The following KCNQ1 variants were observed in gnomAD, a reference collection of about 807,000 sequenced individuals.
KCNQ1 encodes potassium voltage-gated channel subfamily Q member 1, also known as potassium voltage-gated channel subfamily KQT member 1.
In KCNQ1, 49 loss-of-function variants were observed where a neutral mutation model predicts 72.4. The ratio of observed to expected loss-of-function variants is 0.68; its 90% CI spans 0.54 to 0.86. The LOEUF is 0.86. Among genes scored for constraint, KCNQ1 ranks in the 40% least tolerant of loss-of-function variants. The probability of loss-of-function intolerance (pLI) is 0.00; values close to 1 mark genes in which losing one functional copy is unlikely to be tolerated. For synonymous variants in KCNQ1, 450 were observed against 412.6 expected, an observed-to-expected ratio of 1.09 and a Z score of -1.10; for missense variants, 790 against 945.1, an observed-to-expected ratio of 0.84 and a Z score of 2.15.
At chr11:2,584,004 T>C (rs907943079) in intron 7 of KCNQ1, among the ~76,000 whole-genome samples, 1 of 152,022 alleles carries the variant, frequency 6.6e-6, no homozygotes, top group Non-Finnish European at 1.5e-5. Flanking sequence ...GTGTGTGTTA[T>C]GTGCGTATGT....
chr11:2,530,953 C>A (rs1847613944), intron 2 of KCNQ1, among the ~76,000 whole-genome samples: 1 of 152,170 alleles, frequency 6.6e-6, no homozygotes, highest in Non-Finnish European at 1.5e-5. Context: ...AGGTGGTTAG[C>A]CCCTCGCCCC....
chr11:2,838,840 C>T (rs559226491), intron 15 of KCNQ1, among the ~76,000 whole-genome samples: 4 of 152,176 alleles, frequency 2.6e-5, no homozygotes, highest in Non-Finnish European at 5.9e-5. Context: ...CCTCTGCGGG[C>T]TCGCCAGAGG....
At position 2,847,861 on chromosome 11, in the gene KCNQ1, C is replaced by T; in HGVS notation, c.1889C>T (p.Pro630Leu). The T allele has an allele frequency of 6.3e-7, 1 of 1,576,938 alleles. No individual in the cohort carries two copies. Among genetic ancestry groups the T allele is most frequent in the Non-Finnish European group, 8.6e-7 (1 of 1,161,326 alleles). Residue 630 changes from proline (P) to leucine (L), a missense_variant, in exon 16 of 16, where the codon CCC (proline) becomes CTC (leucine). Coordinates refer to ENST00000155840, the MANE Select transcript of KCNQ1 (RefSeq NM_000218.3). Reference protein sequence around the residue: ...HGGSTPGSGGPPREGGAHITQ... With the variant: ...HGGSTPGSGGLPREGGAHITQ... ...GGCAGCACCCCCGGCAGCGGCGGCC[C>T]CCCCAGAGAGGGCGGGGCCCACATC...
intron 11 of KCNQ1, among the ~76,000 whole-genome samples, chr11:2,743,031 G>A (rs891559930): frequency 5.9e-5 from 9 of 152,180 alleles, no homozygotes; most frequent in Admixed American, 4.6e-4. Context: ...GAACCCACTC[G>A]TGAATTTTTC....
chr11:2,826,907 G>A lies in KCNQ1; in HGVS notation c.1795-20860G>A, dbSNP rs1210014574. Among the ~76,000 whole-genome samples the A allele has an allele frequency of 6.6e-6, 1 of 152,258 alleles. No individual in the cohort carries two copies. Among genetic ancestry groups the A allele is most frequent in the East Asian group, 1.9e-4 (1 of 5,202 alleles). ...CTGGAGTGACAAGGACAGGGAGGAA[G>A]AAAGCCAGGCAGGTGGCCCATGAGC... On this transcript the variant is annotated intron_variant, in intron 15 of 15. Coordinates refer to ENST00000155840, the MANE Select transcript of KCNQ1 (RefSeq NM_000218.3). This position sits in a 1 kb window ranked among gnomAD's most constrained non-coding sequence, Gnocchi z 4.2.
In KCNQ1 at chr11:2,711,366, G is replaced by A. The variant is rs139089767; in HGVS notation, c.1514+49285G>A. Among the ~76,000 whole-genome samples, 642 of 152,254 alleles carry A rather than the reference G, an allele frequency of 4.2e-3. 6 individuals are homozygous for A. Among genetic ancestry groups the A allele is most frequent in the Non-Finnish European group, 5.7e-3 (389 of 68,024 alleles). On this transcript the variant is annotated intron_variant, in intron 11 of 15. Transcript: ENST00000155840. The surrounding 1 kb of genome is among the most constrained non-coding windows in gnomAD (Gnocchi z 5.4). ...ATGCTTCTTTGTGGTCTCCTGTCTT[G>A]CGCACTAATTGTTGCCCAAGTCTTT... is the stretch of plus-strand genomic sequence containing the variant.
Position 2,470,121 on chromosome 11 carries a change from C to T in KCNQ1, c.386+24637C>T, listed in dbSNP as rs145748724. Among the ~76,000 whole-genome samples the T allele has an allele frequency of 3.3e-3, 497 of 152,296 alleles. 3 individuals are homozygous for T. The highest frequency in any genetic ancestry group is 0.011 in the African/African-American group (463 of 41,556). On this transcript the variant is annotated intron_variant, in intron 1 of 15. Coordinates refer to ENST00000155840, the MANE Select transcript of KCNQ1 (RefSeq NM_000218.3). ...GACCACAGGCGCATGTCACCACGCC[C>T]GGCTGATTGTTAAATTTTTTGTAGA... is the stretch of plus-strand genomic sequence containing the variant.
Position 2,515,081 on chromosome 11 carries a change from G to A in KCNQ1, c.387-12847G>A, listed in dbSNP as rs940424420. Reference sequence around the variant, plus strand: ...AGGAGTACACATACTTGTCTGTTACGTGCGTAATGGTGGGGTTTGGGCTTC... The same window carrying A: ...AGGAGTACACATACTTGTCTGTTACATGCGTAATGGTGGGGTTTGGGCTTC... On this transcript the variant is annotated intron_variant, in intron 1 of 15. Coordinates refer to ENST00000155840, the MANE Select transcript of KCNQ1 (RefSeq NM_000218.3). The surrounding 1 kb of genome is among the most constrained non-coding windows in gnomAD (Gnocchi z 4.7). Among the ~76,000 whole-genome samples, 5 of 152,096 alleles carry A rather than the reference G, an allele frequency of 3.3e-5. No homozygotes were observed. The highest frequency in any genetic ancestry group is 9.7e-5 in the African/African-American group (4 of 41,406).
intron 11 of KCNQ1, among the ~76,000 whole-genome samples, chr11:2,727,442 A>G (rs2133936868): frequency 6.6e-6 from 1 of 152,308 alleles, no homozygotes; most frequent in South Asian, 2.1e-4. Flanking sequence ...TTGTGCAGGA[A>G]CATGGGGTAG....
chr11:2,707,375 A>G (rs1375384818), intron 11 of KCNQ1, among the ~76,000 whole-genome samples: 1 of 152,248 alleles, frequency 6.6e-6, no homozygotes, highest in African/African-American at 2.4e-5. Flanking sequence ...AGAACAGGAC[A>G]GAACTGCCCT....
intron 11 of KCNQ1, among the ~76,000 whole-genome samples, chr11:2,738,215 G>A (rs1845990897): frequency 2.0e-5 from 3 of 151,770 alleles, no homozygotes; most frequent in Admixed American, 2.0e-4. Flanking sequence ...GCTGTGGAGT[G>A]TGGGGGCACA....
intron 1 of KCNQ1, among the ~76,000 whole-genome samples, chr11:2,469,895 C>T (rs1045557375): frequency 1.3e-5 from 2 of 151,908 alleles, no homozygotes; most frequent in Non-Finnish European, 2.9e-5. Flanking sequence ...CTCCTGACCT[C>T]GTGATCCGCC....
intron 15 of KCNQ1, among the ~76,000 whole-genome samples, chr11:2,838,491 G>A (rs982589376): frequency 1.3e-5 from 2 of 152,166 alleles, no homozygotes; most frequent in Admixed American, 1.3e-4. Flanking sequence ...GTGGTATGGG[G>A]CCACCCTGCT....
At chr11:2,542,716 G>A (rs1249728865) in intron 2 of KCNQ1, among the ~76,000 whole-genome samples, 1 of 152,172 alleles carries the variant, frequency 6.6e-6, no homozygotes, top group African/African-American at 2.4e-5. Context: ...ACAGTGTGTG[G>A]TTTTTATTGT....
At chr11:2,561,425 G>A (rs910106659) in intron 2 of KCNQ1, among the ~76,000 whole-genome samples, 35 of 152,156 alleles carry the variant, frequency 2.3e-4, no homozygotes, top group African/African-American at 7.5e-4. Context: ...GGACAAGGTC[G>A]CTTCCCTCTT....
chr11:2,530,015 C>T (rs184949632), intron 2 of KCNQ1, among the ~76,000 whole-genome samples: 1 of 152,260 alleles, frequency 6.6e-6, no homozygotes, highest in Non-Finnish European at 1.5e-5. Context: ...TTGGTCCTGG[C>T]GTGTGAGTTT....
At chr11:2,534,733 G>A (rs2074248) in intron 2 of KCNQ1, among the ~76,000 whole-genome samples, 23,856 of 152,154 alleles carry the variant, frequency 0.16, 2,177 homozygotes, top group East Asian at 0.35. Flanking sequence ...AGCTAAGACC[G>A]GTCCCCACCA....
rs1846905976 is a variant in KCNQ1 at position 2,495,906 on chromosome 11, C to T, written c.387-32022C>T. Among the ~76,000 whole-genome samples, 2 of 152,154 alleles carry T rather than the reference C, an allele frequency of 1.3e-5. No homozygotes were observed. The highest frequency in any genetic ancestry group is 1.3e-4 in the Admixed American group (2 of 15,274). ...CTGAATATCCTTGTTAATTTTCTGTCTCATTGATCTGTCTAATATTGACAG... is the reference window on the plus strand; with the variant it reads ...CTGAATATCCTTGTTAATTTTCTGTTTCATTGATCTGTCTAATATTGACAG... On this transcript the variant is annotated intron_variant, in intron 1 of 15. Coordinates refer to ENST00000155840, the MANE Select transcript of KCNQ1 (RefSeq NM_000218.3). This position sits in a 1 kb window ranked among gnomAD's most constrained non-coding sequence, Gnocchi z 4.6.
rs542418223 is a variant in KCNQ1, at chr11:2,471,748, G to C, written c.386+26264G>C. ...TGGGCGTGTGTATGTGTGCATGGGC[G>C]TGTGTGTACTTGTGTATGGGTGTGT... On this transcript the variant is annotated intron_variant, in intron 1 of 15. Transcript: ENST00000155840. The surrounding 1 kb of genome is among the most constrained non-coding windows in gnomAD (Gnocchi z 4.8). 6.6e-6 allele frequency among the ~76,000 whole-genome samples: 1 copy of C among 150,622 alleles called. No individual in the cohort carries two copies.
Sources: allele counts gnomAD v4.1 joint callset (sites outside exome capture counted in the v4.1 genomes callset), GRCh38; gene constraint gnomAD v4.1.1; non-coding constraint Gnocchi (gnomAD v3.1); transcripts MANE v1.5; gene names NCBI Gene and HGNC (gene_info 2026-07-23, HGNC 2026-07-21).